The following DCDC1 variants were observed in gnomAD, a reference collection of about 807,000 sequenced individuals.
DCDC1 encodes the protein doublecortin domain containing 1, also known as doublecortin domain-containing protein 1.
In DCDC1, 200 loss-of-function variants were observed where a neutral mutation model predicts 178.3. The observed-to-expected ratio is 1.12, with a 90% confidence interval of 1.00 to 1.26. DCDC1 has a LOEUF of 1.26. Ranked by LOEUF, DCDC1 falls within the 50% of genes most tolerant of loss-of-function variation. The pLI, the probability that DCDC1 is intolerant of heterozygous loss-of-function variation, is 0.00. For missense variants in DCDC1, 1,983 were observed against 1,749.2 expected (o/e 1.13, Z -2.38); for synonymous variants, 690 against 604.8 (o/e 1.14, Z -2.07).
intron 20 of DCDC1, among the ~76,000 whole-genome samples, chr11:30,971,822 G>A (rs1180680597): frequency 1.3e-5 from 2 of 151,904 alleles, no homozygotes; most frequent in Non-Finnish European, 2.9e-5. Context: ...TATTAGCCAC[G>A]ATGGTCTCGA....
intron 3 of DCDC1, among the ~76,000 whole-genome samples, chr11:31,314,232 C>T (rs1000144672): frequency 6.6e-6 from 1 of 152,154 alleles, no homozygotes; most frequent in Non-Finnish European, 1.5e-5. Context: ...GATATAGAAG[C>T]ATTCTTTTTA....
intron 21 of DCDC1, among the ~76,000 whole-genome samples, chr11:30,948,698 C>T (rs1016610106): frequency 6.6e-6 from 1 of 152,130 alleles, no homozygotes; most frequent in Non-Finnish European, 1.5e-5. Context: ...AGAAATAACA[C>T]CACACATCTA....
chr11:30,904,517 T>TTAA, intron 31 of DCDC1: 1 of 175,796 alleles, frequency 5.7e-6, no homozygotes, highest in Non-Finnish European at 1.2e-5. Context: ...AGCCCCTGCT[T>TTAA]CCCCAATTTG....
Position 30,911,411 on chromosome 11 carries a change from G to A in DCDC1, c.3663C>T (p.His1221=), listed in dbSNP as rs938457698. ...GCACAAGGTCAGGGTTACTCACAAG[G>A]TGAAAGGTCCTTGGGAAAACAGGAT... The part of the protein sequence containing the change: ...WIHQEDSRTF[H]LVSNPDLVLA... Residue 1221 remains histidine (H), a synonymous_variant, in exon 28 of 39, where the codon CAC becomes CAT. Coordinates refer to ENST00000684477, the MANE Select transcript of DCDC1 (RefSeq NM_001387274.1). 2 of 1,597,472 alleles carry A rather than the reference G, an allele frequency of 1.3e-6. No individual in the cohort carries two copies. The highest frequency in any genetic ancestry group is 1.7e-6 in the Non-Finnish European group (2 of 1,171,620).
At chr11:30,988,602 T>C (rs749768272) in intron 20 of DCDC1, among the ~76,000 whole-genome samples, 1 of 152,220 alleles carries the variant, frequency 6.6e-6, no homozygotes, top group Non-Finnish European at 1.5e-5. Context: ...AGCCTTTCTC[T>C]ATCTACAGCA....
intron 9 of DCDC1, among the ~76,000 whole-genome samples, chr11:31,148,328 C>T (rs1964704877): frequency 6.6e-6 from 1 of 151,688 alleles, no homozygotes; most frequent in South Asian, 2.1e-4. Context: ...GGGCGGATCA[C>T]GTGAGCTCAG....
chr11:30,894,295 G>A lies in DCDC1; in HGVS notation c.4855C>T (p.Gln1619Ter). 1 of 1,613,832 alleles carries A rather than the reference G, an allele frequency of 6.2e-7. No homozygotes were observed. The highest frequency in any genetic ancestry group is 8.5e-7 in the Non-Finnish European group (1 of 1,179,788). ...ATGAGTTTAATTTCCTGTTGAGTCT[G>A]TTCGGTCCAGCCTCCTTCAACCACC... ...PVVVEGGWTEQTQQEIKLMEL... is the reference protein window; with the variant it reads ...PVVVEGGWTE Residue 1619 changes from glutamine to a stop codon, truncating the protein, a stop_gained, in exon 35 of 39, where the codon CAG becomes TAG. Coordinates refer to ENST00000684477, the MANE Select transcript of DCDC1 (RefSeq NM_001387274.1). LOFTEE classifies it high-confidence loss of function.
At chr11:31,044,338 G>A (rs1440327905) in intron 20 of DCDC1, among the ~76,000 whole-genome samples, 1 of 152,122 alleles carries the variant, frequency 6.6e-6, no homozygotes, top group African/African-American at 2.4e-5. Flanking sequence ...TTAGCCGGGC[G>A]TGGTGGTGAG....
chr11:30,917,363 G>A (rs191683842), intron 25 of DCDC1, among the ~76,000 whole-genome samples: 1 of 152,254 alleles, frequency 6.6e-6, no homozygotes, highest in East Asian at 1.9e-4. Context: ...AACATGTAAT[G>A]AGACTCCCTC....
intron 34 of DCDC1, among the ~76,000 whole-genome samples, chr11:30,898,043 C>T (rs186480392): frequency 4.0e-5 from 6 of 151,884 alleles, no homozygotes; most frequent in Admixed American, 6.6e-5. Flanking sequence ...TAAAATGTGC[C>T]GAAAGCTCAG....
chr11:31,034,075 C>T (rs533138028), intron 20 of DCDC1, among the ~76,000 whole-genome samples: 3 of 143,546 alleles, frequency 2.1e-5, no homozygotes, highest in East Asian at 2.1e-4. Flanking sequence ...ACCCAGGAGG[C>T]GGAGGTTGCA....
intron 1 of DCDC1, among the ~76,000 whole-genome samples, chr11:31,339,528 T>C (rs1210800556): frequency 3.3e-5 from 5 of 152,172 alleles, no homozygotes; most frequent in African/African-American, 1.2e-4. Flanking sequence ...ATTCAATATA[T>C]GCTAGTAATA....
At chr11:31,024,948 C>A (rs1473056179) in intron 20 of DCDC1, among the ~76,000 whole-genome samples, 1 of 151,796 alleles carries the variant, frequency 6.6e-6, no homozygotes, top group African/African-American at 2.4e-5. Context: ...GTCTGCATTT[C>A]CATTAATTTC....
intron 22 of DCDC1, among the ~76,000 whole-genome samples, chr11:30,928,444 A>G (rs1946724397): frequency 7.7e-6 from 1 of 129,424 alleles, no homozygotes; most frequent in Non-Finnish European, 1.7e-5. Context: ...GTAAAATATA[A>G]AAATTTAACT....
intron 38 of DCDC1, among the ~76,000 whole-genome samples, chr11:30,869,932 G>A (rs2133913884): frequency 6.6e-6 from 1 of 152,200 alleles, no homozygotes; most frequent in East Asian, 1.9e-4. Context: ...AGATCATTCT[G>A]GCTACAACTT....
chr11:30,941,297 T>C (rs564277097), intron 21 of DCDC1, among the ~76,000 whole-genome samples: 1 of 152,310 alleles, frequency 6.6e-6, no homozygotes, highest in South Asian at 2.1e-4. Context: ...ATCACTCCTT[T>C]GCTCCAGACC....
intron 28 of DCDC1, among the ~76,000 whole-genome samples, chr11:30,910,253 C>T (rs1005826595): frequency 6.6e-6 from 1 of 152,076 alleles, no homozygotes; most frequent in African/African-American, 2.4e-5. Context: ...AAATGGTAAC[C>T]TTGGGAGAAA....
rs1945886770 is a variant in DCDC1, at chr11:30,916,985, T to C, written c.3337A>G (p.Thr1113Ala). ...TCCTGCCAGGCATACCTGGGAAGTG[T>C]GTGACAAGCCTTCATTCGAAGATGA... ...RAHLRMKACHTLPRYAWQETS... is the reference protein window; with the variant it reads ...RAHLRMKACHALPRYAWQETS... The change falls in exon 26 of 39, where the codon ACA (threonine) becomes GCA (alanine). Residue 1113 changes from threonine to alanine, a missense_variant. Thr to Ala is a moderately conservative substitution (Grantham distance 58, BLOSUM62 0). Coordinates refer to ENST00000684477, the MANE Select transcript of DCDC1 (RefSeq NM_001387274.1). The C allele has an allele frequency of 6.2e-7, 1 of 1,610,292 alleles. No homozygotes were observed.
intron 20 of DCDC1, among the ~76,000 whole-genome samples, chr11:31,026,820 A>G (rs1171955154): frequency 6.6e-6 from 1 of 151,784 alleles, no homozygotes; most frequent in Non-Finnish European, 1.5e-5. Context: ...TGATGGAAAA[A>G]ATATTACTTA....
Sources: allele counts gnomAD v4.1 joint callset (sites outside exome capture counted in the v4.1 genomes callset), GRCh38; gene constraint gnomAD v4.1.1; transcripts MANE v1.5; gene names NCBI Gene and HGNC (gene_info 2026-07-23, HGNC 2026-07-21).